The following BRD3 variants were observed in gnomAD, a reference collection of about 807,000 sequenced individuals.
The protein encoded by BRD3 is bromodomain-containing protein 3.
Under a neutral mutation model 66.8 loss-of-function variants are expected in BRD3, and 17 were observed. The ratio of observed to expected loss-of-function variants is 0.25; its 90% CI spans 0.17 to 0.38. The LOEUF (loss-of-function observed/expected upper bound fraction) is 0.38. Ranked by LOEUF, BRD3 falls within the 10% of genes least tolerant of loss-of-function variation. The pLI, the probability that BRD3 is intolerant of heterozygous loss-of-function variation, is 1.00. For missense variants in BRD3, 713 were observed against 956.1 expected, an observed-to-expected ratio of 0.75 and a Z score of 3.35; for synonymous variants, 421 against 393.2, an observed-to-expected ratio of 1.07 and a Z score of -0.84.
At chr9:134,053,015 A>T (rs2520100) in intron 2 of BRD3, among the ~76,000 whole-genome samples, 37,808 of 151,726 alleles carry the variant, frequency 0.25, 5,991 homozygotes, top group East Asian at 0.63. Context: ...ATCACCACCC[A>T]CTCGCTTTCC....
intron 6 of BRD3, 145 bp downstream of exon 6, chr9:134,047,938 T>A: frequency 4.2e-6 from 5 of 1,185,238 alleles, no homozygotes; most frequent in Non-Finnish European, 5.6e-6. Context: ...CAGCCGGCGC[T>A]GCGGGGGCCA....
intron 2 of BRD3, among the ~76,000 whole-genome samples, chr9:134,052,676 G>A (rs549262126): frequency 6.6e-6 from 1 of 152,192 alleles, no homozygotes; most frequent in African/African-American, 2.4e-5. Flanking sequence ...AGCCCACGGA[G>A]TTAGGGCAGA....
chr9:134,035,275 C>A (rs1393947584), intron 10 of BRD3, among the ~76,000 whole-genome samples: 1 of 152,200 alleles, frequency 6.6e-6, no homozygotes, highest in Non-Finnish European at 1.5e-5. Context: ...CAAGTTGACC[C>A]GGTGACTTAC....
chr9:134,052,628 C>T (rs1487000114), intron 2 of BRD3, among the ~76,000 whole-genome samples, 185 bp from the exon 3 acceptor site: 1 of 152,196 alleles, frequency 6.6e-6, no homozygotes, highest in Non-Finnish European at 1.5e-5. Flanking sequence ...CAAACTCCTG[C>T]CCAACCTCTC....
chr9:134,053,874 G>A (rs924238356), intron 1 of BRD3: 11 of 231,950 alleles, frequency 4.7e-5, no homozygotes, highest in African/African-American at 2.5e-4. Context: ...CCCAGGTGGG[G>A]GCTTGGGGAA....
intron 1 of BRD3, among the ~76,000 whole-genome samples, chr9:134,062,512 C>T (rs1457732304): frequency 6.6e-6 from 1 of 152,162 alleles, no homozygotes; most frequent in East Asian, 1.9e-4. Context: ...CATGGCCCCA[C>T]GGCCCTGGGT....
rs752502651 is a variant in BRD3 at position 134,051,847 on chromosome 9, A to ATGTGTG, written c.352-144_352-139dup. The ATGTGTG allele has an allele frequency of 6.2e-5, 32 of 516,852 alleles. 1 individual carries two copies. The highest frequency in any genetic ancestry group is 5.3e-4 in the Middle Eastern group (1 of 1,896). The allele number at this position is 516,852 out of a possible 1,614,324, so 32.0% of individuals were successfully genotyped here. ...GCGCAGGAGAGAACAAAATGAATAT[A>ATGTGTG]TGTGTGTGTGTGTGTGTGTGTGTGT... On this transcript the variant is annotated intron_variant, in intron 3 of 11. Transcript: ENST00000303407.
intron 9 of BRD3, among the ~76,000 whole-genome samples, chr9:134,039,448 C>T (rs534537662): frequency 6.6e-6 from 1 of 152,328 alleles, no homozygotes; most frequent in South Asian, 2.1e-4. Flanking sequence ...CTTGGAACTC[C>T]CTCCCTGGCC....
intron 1 of BRD3, among the ~76,000 whole-genome samples, chr9:134,060,099 G>A (rs915809746): frequency 6.6e-6 from 1 of 152,226 alleles, no homozygotes; most frequent in Non-Finnish European, 1.5e-5. Flanking sequence ...CCATGCTAGA[G>A]AGCCCACAGG....
intron 10 of BRD3, among the ~76,000 whole-genome samples, chr9:134,035,750 T>A (rs1414938444): frequency 1.3e-5 from 2 of 152,238 alleles, no homozygotes; most frequent in African/African-American, 4.8e-5. Flanking sequence ...GCGCACTCCT[T>A]GGACAAGGTT....
At chr9:134,049,310 C>A (rs1193630256) in intron 5 of BRD3, among the ~76,000 whole-genome samples, 2 of 152,170 alleles carry the variant, frequency 1.3e-5, no homozygotes, top group Non-Finnish European at 2.9e-5. Context: ...CACCCTGAGA[C>A]CAGCTCAGCC....
intron 1 of BRD3, among the ~76,000 whole-genome samples, chr9:134,066,255 C>T (rs867930387): frequency 6.6e-6 from 1 of 152,150 alleles, no homozygotes. Flanking sequence ...GCCCCTCGCT[C>T]GCCTGCAGCC....
intron 1 of BRD3, among the ~76,000 whole-genome samples, chr9:134,067,043 C>T (rs939699372): frequency 1.3e-5 from 2 of 152,116 alleles, no homozygotes; most frequent in Non-Finnish European, 2.9e-5. Flanking sequence ...CAGCTTTATT[C>T]ACAGAGAGCC....
intron 9 of BRD3, among the ~76,000 whole-genome samples, chr9:134,037,955 AACTC>A (rs1288985574): frequency 1.3e-5 from 2 of 152,222 alleles, no homozygotes; most frequent in Admixed American, 6.5e-5. Context: ...AAACCTCTAA[AACTC>A]ACTCAAGAAG....
chr9:134,050,884 G>A (rs577159384), intron 4 of BRD3, among the ~76,000 whole-genome samples: 38 of 152,296 alleles, frequency 2.5e-4, no homozygotes, highest in African/African-American at 8.2e-4. Flanking sequence ...GGCCACCCTG[G>A]AGTCATGGAA....
At chr9:134,036,760 G>A (rs1237234985) in intron 9 of BRD3, among the ~76,000 whole-genome samples, 4 of 152,216 alleles carry the variant, frequency 2.6e-5, no homozygotes, top group African/African-American at 9.6e-5. Flanking sequence ...TGTAATCCCA[G>A]CACTTTGGGA....
chr9:134,047,482 T>C (rs1441676836), intron 6 of BRD3, among the ~76,000 whole-genome samples: 1 of 152,094 alleles, frequency 6.6e-6, no homozygotes, highest in Non-Finnish European at 1.5e-5. Flanking sequence ...CCACCCCCCA[T>C]AGGGACCAGA....
At chr9:134,059,120 T>G (rs1588299861) in intron 1 of BRD3, among the ~76,000 whole-genome samples, 1 of 152,210 alleles carries the variant, frequency 6.6e-6, no homozygotes, top group South Asian at 2.1e-4. Context: ...GTTCTATGAA[T>G]GAAATGTGTC....
chr9:134,052,281 G>T, intron 3 of BRD3, 25 bp downstream of exon 3: 1 of 1,609,952 alleles, frequency 6.2e-7, no homozygotes. Context: ...ACTGCAAGCG[G>T]CGTGCCAGGC....
Sources: allele counts gnomAD v4.1 joint callset (sites outside exome capture counted in the v4.1 genomes callset), GRCh38; gene constraint gnomAD v4.1.1; transcripts MANE v1.5; gene names NCBI Gene and HGNC (gene_info 2026-07-23, HGNC 2026-07-21).